CDIN1: variants seen among roughly 807,000 people sequenced by gnomAD.
The protein encoded by CDIN1 is CDAN1-interacting nuclease 1.
A neutral mutation model predicts 45.3 loss-of-function variants in CDIN1; 33 were observed. The ratio of observed to expected loss-of-function variants is 0.73; its 90% CI spans 0.55 to 0.97. The LOEUF (loss-of-function observed/expected upper bound fraction) is 0.97. CDIN1 is among the 50% of genes least tolerant of loss of function. The pLI is 0.00. For missense variants in CDIN1, 303 were observed against 339.4 expected, an observed-to-expected ratio of 0.89 and a Z score of 0.84; for synonymous variants, 118 against 124.4, an observed-to-expected ratio of 0.95 and a Z score of 0.34.
intron 10 of CDIN1, among the ~76,000 whole-genome samples, chr15:36,719,826 C>CT (rs923953374): frequency 6.6e-6 from 1 of 151,720 alleles, no homozygotes; most frequent in East Asian, 1.9e-4. Flanking sequence ...CAGGTTATGC[C>CT]TTTTTTTTCT....
At chr15:36,620,641 C>T (rs2039141604) in intron 1 of CDIN1, among the ~76,000 whole-genome samples, 1 of 152,166 alleles carries the variant, frequency 6.6e-6, no homozygotes, top group Admixed American at 6.5e-5. Context: ...AGTATTTACT[C>T]TTCTGTTCAC....
chr15:36,617,419 A>C, intron 1 of CDIN1: 2 of 1,285,616 alleles, frequency 1.6e-6, no homozygotes, highest in Non-Finnish European at 2.3e-6. Context: ...TGGAGAAAGC[A>C]ATTCAGCAAT....
At chr15:36,660,149 A>G (rs1035765054) in intron 5 of CDIN1, among the ~76,000 whole-genome samples, 2 of 152,054 alleles carry the variant, frequency 1.3e-5, no homozygotes, top group Non-Finnish European at 2.9e-5. Flanking sequence ...TGTTTCCATT[A>G]TGAAACAATG....
At chr15:36,581,597 G>A (rs1403523935) in intron 1 of CDIN1, among the ~76,000 whole-genome samples, 1 of 152,218 alleles carries the variant, frequency 6.6e-6, no homozygotes, top group African/African-American at 2.4e-5. Flanking sequence ...GCTATTTAGG[G>A]CTGGGTGTGG....
At chr15:36,752,309 A>T (rs896819361) in intron 10 of CDIN1, among the ~76,000 whole-genome samples, 2 of 152,232 alleles carry the variant, frequency 1.3e-5, no homozygotes, top group African/African-American at 4.8e-5. Flanking sequence ...GACTCAAAAC[A>T]TACCTTAAGT....
At chr15:36,635,376 A>G (rs1043850798) in intron 1 of CDIN1, among the ~76,000 whole-genome samples, 1 of 152,196 alleles carries the variant, frequency 6.6e-6, no homozygotes, top group African/African-American at 2.4e-5. Flanking sequence ...GTCCATTTAT[A>G]TGTGGATTTT....
Position 36,691,735 on chromosome 15 carries a change from G to C in CDIN1, c.397G>C (p.Asp133His). 2 of 1,603,228 alleles carry C rather than the reference G, an allele frequency of 1.2e-6. No homozygotes were observed. The highest frequency in any genetic ancestry group is 1.7e-6 in the Non-Finnish European group (2 of 1,174,086). The change falls in exon 6 of 11, where the codon GAT becomes CAT. Residue 133 changes from aspartate to histidine, a missense_variant. By Grantham distance (81) the Asp-to-His change is moderately conservative (BLOSUM62 -1). Coordinates refer to ENST00000566621, the MANE Select transcript of CDIN1 (RefSeq NM_001321759.2). ...GCTACGGGACCCTTCTCAGATTCCA[G>C]ATGGAGTTCTAGCAAATCAGGTCTA... ...SMLRDPSQIP[D>H]GVLANQVYQC...
intron 10 of CDIN1, among the ~76,000 whole-genome samples, chr15:36,804,377 T>A (rs2055153998): frequency 6.6e-6 from 1 of 152,136 alleles, no homozygotes; most frequent in South Asian, 2.1e-4. Context: ...GTCTCTAGAC[T>A]CGCACTGATT....
intron 10 of CDIN1, among the ~76,000 whole-genome samples, chr15:36,739,310 T>C (rs1036683161): frequency 1.3e-5 from 2 of 152,098 alleles, no homozygotes; most frequent in Non-Finnish European, 2.9e-5. Context: ...GAGACTGAGG[T>C]GGAAAGATCC....
At chr15:36,657,076 A>G (rs1438976370) in intron 4 of CDIN1, among the ~76,000 whole-genome samples, 1 of 152,188 alleles carries the variant, frequency 6.6e-6, no homozygotes, top group Non-Finnish European at 1.5e-5. Flanking sequence ...ACAAAATAGT[A>G]GATACATTTT....
chr15:36,731,915 G>A (rs115332558), intron 10 of CDIN1, among the ~76,000 whole-genome samples: 4,887 of 152,052 alleles, frequency 0.032, 275 homozygotes, highest in African/African-American at 0.11. Context: ...ACATTTATTG[G>A]CTTATTTGAT....
At chr15:36,683,974 G>A (rs2041950045) in intron 5 of CDIN1, among the ~76,000 whole-genome samples, 1 of 139,668 alleles carries the variant, frequency 7.2e-6, no homozygotes, top group African/African-American at 2.6e-5. Flanking sequence ...GAGATTTTGG[G>A]CTGAGACAAT....
At chr15:36,702,556 G>A (rs902400989) in intron 8 of CDIN1, among the ~76,000 whole-genome samples, 1 of 151,984 alleles carries the variant, frequency 6.6e-6, no homozygotes, top group African/African-American at 2.4e-5. Context: ...CATGTCCACG[G>A]GTCATCTGCT....
intron 10 of CDIN1, among the ~76,000 whole-genome samples, chr15:36,788,609 A>C (rs1226925952): frequency 1.3e-5 from 2 of 152,202 alleles, no homozygotes; most frequent in Non-Finnish European, 2.9e-5. Flanking sequence ...AGTCAGCAAA[A>C]TGTGAAATAT....
At chr15:36,651,812 C>A (rs1364681625) in intron 3 of CDIN1, among the ~76,000 whole-genome samples, 2 of 152,110 alleles carry the variant, frequency 1.3e-5, no homozygotes, top group Non-Finnish European at 2.9e-5. Context: ...TTAGGAATTT[C>A]CACAGTATTA....
At chr15:36,593,064 A>G (rs1035591196) in intron 1 of CDIN1, among the ~76,000 whole-genome samples, 2 of 152,154 alleles carry the variant, frequency 1.3e-5, no homozygotes, top group African/African-American at 4.8e-5. Context: ...AATTGTTATG[A>G]ACTTGAAATA....
chr15:36,613,197 A>G, intron 1 of CDIN1, among the ~76,000 whole-genome samples: 1 of 152,086 alleles, frequency 6.6e-6, no homozygotes, highest in East Asian at 1.9e-4. Flanking sequence ...TGTGAGTTGC[A>G]ATGTTTTTAC....
At chr15:36,644,247 A>G (rs766678355) in intron 1 of CDIN1, 31 bp from the exon 2 acceptor site, 14 of 1,611,024 alleles carry the variant, frequency 8.7e-6, no homozygotes, top group Non-Finnish European at 1.2e-5. Flanking sequence ...CACTCCAGTA[A>G]TTAACTTTGT....
chr15:36,763,003 T>C (rs1003647103), intron 10 of CDIN1, among the ~76,000 whole-genome samples: 5 of 152,202 alleles, frequency 3.3e-5, no homozygotes, highest in Admixed American at 6.5e-5. Context: ...TTTGGGTATA[T>C]ACCCAGTAAT....
Sources: gnomAD v4.1 joint callset for allele counts (sites outside exome capture counted in the v4.1 genomes callset) on GRCh38, gnomAD v4.1.1 for gene constraint, MANE v1.5 for transcripts, NCBI Gene and HGNC (gene_info 2026-07-23, HGNC 2026-07-21) for gene names.